Variants in RRP12 observed in about 807,000 individuals in gnomAD.
RRP12 encodes ribosomal RNA processing 12 homolog.
Under a neutral mutation model 157.3 loss-of-function variants are expected in RRP12, and 78 were observed. The observed-to-expected ratio is 0.50, with a 90% CI of 0.41 to 0.60. The LOEUF is 0.60. RRP12 is among the 20% of genes least tolerant of loss of function. The pLI, the probability that RRP12 is intolerant of heterozygous loss-of-function variation, is 0.00. For missense variants in RRP12, 1,521 were observed against 1,679.9 expected (o/e 0.91, Z 1.65); for synonymous variants, 726 against 670.9 (o/e 1.08, Z -1.27).
rs1845105655 is a variant in RRP12, at chr10:97,400,343, G to T, written c.331C>A (p.Gln111Lys). Residue 111 changes from glutamine (Q) to lysine (K), a missense_variant, in exon 2 of 34, where the codon CAG (glutamine) becomes AAG (lysine). Physicochemically the swap from Gln to Lys is moderately conservative, Grantham distance 53. Transcript: ENST00000370992. ...DCTNVTFSKV[Q>K]RFWESNSAAH... Reference sequence around the variant, plus strand: ...GCCGAGTTGGACTCCCAGAAGCGCTGTACTTTGCTGAAGGTGACGTTTGTG... The same window carrying T: ...GCCGAGTTGGACTCCCAGAAGCGCTTTACTTTGCTGAAGGTGACGTTTGTG... The T allele has an allele frequency of 6.2e-7, 1 of 1,613,800 alleles. No individual in the cohort carries two copies. Among genetic ancestry groups the T allele is most frequent in the South Asian group, 1.1e-5 (1 of 91,068 alleles).
Position 97,360,637 on chromosome 10 carries a change from T to C in RRP12, c.3568-19A>G. On this transcript the variant is annotated intron_variant, in intron 30 of 33. Coordinates refer to ENST00000370992, the MANE Select transcript of RRP12 (RefSeq NM_015179.4). ...GCTTTTTCTATAGAGAGAGAATAGGTGGGTAGTGAGTGAACCAGGGGATGT... is the reference window on the plus strand; with the variant it reads ...GCTTTTTCTATAGAGAGAGAATAGGCGGGTAGTGAGTGAACCAGGGGATGT... 6.2e-7 allele frequency: 1 copy of C among 1,604,748 alleles called. No individual in the cohort carries two copies. The highest frequency in any genetic ancestry group is 8.5e-7 in the Non-Finnish European group (1 of 1,171,638).
intron 33 of RRP12, 111 bp downstream of exon 33, chr10:97,358,426 G>A (rs1843764920): frequency 2.6e-6 from 2 of 777,962 alleles, no homozygotes; most frequent in African/African-American, 3.5e-5. Context: ...AAAGCTGGAA[G>A]AGACTCAAAT....
chr10:97,370,921 A>T lies in RRP12; in HGVS notation c.2502+2T>A. The T allele has an allele frequency of 6.2e-7, 1 of 1,613,750 alleles. No individual in the cohort carries two copies. Among genetic ancestry groups the T allele is most frequent in the African/African-American group, 1.3e-5 (1 of 74,948 alleles). ...CAGAGCGGGTGGCCCTAGAGCCCTC[A>T]CCCTCTTGGCGGGTGAGGAGGTGCT... is the stretch of plus-strand genomic sequence containing the variant. On this transcript the variant is annotated splice_donor_variant, in intron 21 of 33. Transcript: ENST00000370992. LOFTEE classifies it high-confidence loss of function.
Position 97,367,016 on chromosome 10 carries a change from C to T in RRP12, c.3047+25G>A. The T allele has an allele frequency of 2.5e-6, 4 of 1,613,180 alleles. No homozygotes were observed. The African/African-American group carries it at 4.0e-5, about 16-fold the overall frequency. ...ATCCTCGGCCCCTCGCTTGCCCTAC[C>T]CCCGCCCCTGCTCAGTGCACAGACC... is the stretch of plus-strand genomic sequence containing the variant. On this transcript the variant is annotated intron_variant, in intron 26 of 33. Coordinates refer to ENST00000370992, the MANE Select transcript of RRP12 (RefSeq NM_015179.4).
At chr10:97,372,026 C>T in intron 20 of RRP12, 47 bp downstream of exon 20, 1 of 1,375,366 alleles carries the variant, frequency 7.3e-7, no homozygotes, top group Non-Finnish European at 1.0e-6. Context: ...CACAGCCCAT[C>T]TGCCCCCAAG....
chr10:97,390,789 C>A lies in RRP12; in HGVS notation c.586G>T (p.Asp196Tyr). ...KFSDTSKAFM[D>Y]IMSAQASSGS... ...CTGCTGGCCTGAGCTGACATGATAT[C>A]CATGAAGGCTTTGGAGGTATCAGAG... The change falls in exon 5 of 34, where the codon GAT becomes TAT. Residue 196 changes from aspartate (D) to tyrosine (Y), a missense_variant. Physicochemically the swap from Asp to Tyr is radical, Grantham distance 160 (BLOSUM62 -3). Coordinates refer to ENST00000370992, the MANE Select transcript of RRP12 (RefSeq NM_015179.4). 6.2e-7 allele frequency: 1 copy of A among 1,614,030 alleles called. No individual in the cohort carries two copies. Among genetic ancestry groups the A allele is most frequent in the Non-Finnish European group, 8.5e-7 (1 of 1,179,916 alleles).
chr10:97,378,974 G>C (rs558406060), intron 15 of RRP12, among the ~76,000 whole-genome samples: 2 of 152,266 alleles, frequency 1.3e-5, no homozygotes, highest in Non-Finnish European at 2.9e-5. Context: ...TCAAGGGCTT[G>C]CATGAGGAAG....
chr10:97,360,141 C>A (rs1035519621), intron 31 of RRP12, among the ~76,000 whole-genome samples: 1 of 152,248 alleles, frequency 6.6e-6, no homozygotes, highest in Admixed American at 6.5e-5. Flanking sequence ...CCAATACCAA[C>A]CTTCCCAGTT....
chr10:97,367,759 T>C (rs1044526024), intron 25 of RRP12, among the ~76,000 whole-genome samples: 2 of 152,054 alleles, frequency 1.3e-5, no homozygotes, highest in African/African-American at 2.4e-5. Flanking sequence ...TGAGATGGAG[T>C]CTCGCTCTGT....
rs753560256 is a variant in RRP12, at chr10:97,393,774, T to C, written c.454-14A>G. On this transcript the variant is annotated splice_polypyrimidine_tract_variant and intron_variant, in intron 3 of 33. Coordinates refer to ENST00000370992, the MANE Select transcript of RRP12 (RefSeq NM_015179.4). ...CATTGTTGTCATCTGAGGGCCAGAT[T>C]GAGGGGGTTTGAATGGATAAAAACT... The C allele has an allele frequency of 3.7e-6, 6 of 1,611,176 alleles. No homozygotes were observed. The highest frequency in any genetic ancestry group is 5.1e-6 in the Non-Finnish European group (6 of 1,177,860).
chr10:97,385,872 C>G, intron 9 of RRP12, 23 bp downstream of exon 9: 1 of 1,548,184 alleles, frequency 6.5e-7, no homozygotes, highest in Non-Finnish European at 8.8e-7. Flanking sequence ...CTAATGCCCC[C>G]ACATCCCACC....
At chr10:97,363,749 C>G in intron 30 of RRP12, 105 bp downstream of exon 30, 1 of 1,073,930 alleles carries the variant, frequency 9.3e-7, no homozygotes, top group South Asian at 1.3e-5. Context: ...ACCGAGCATT[C>G]CAGAAACAGG....
intron 1 of RRP12, 22 bp from the exon 2 acceptor site, chr10:97,400,556 T>C (rs1845116579): frequency 6.3e-7 from 1 of 1,596,612 alleles, no homozygotes; most frequent in East Asian, 2.2e-5. Context: ...AGGCACAAGA[T>C]AAGGTCCAAG....
chr10:97,387,966 AAAT>A, intron 8 of RRP12: 3 of 232,882 alleles, frequency 1.3e-5, no homozygotes, highest in Non-Finnish European at 8.2e-6. Context: ...AAAAAAAAAA[AAAT>A]TGGTATAGGG....
intron 15 of RRP12, among the ~76,000 whole-genome samples, chr10:97,376,293 C>A (rs1844305723): frequency 6.9e-6 from 1 of 144,626 alleles, no homozygotes; most frequent in Admixed American, 7.0e-5. Context: ...CGGCTCACTG[C>A]AACCTCTGCT....
At chr10:97,359,604 C>A (rs1843791757) in intron 31 of RRP12, among the ~76,000 whole-genome samples, 1 of 152,222 alleles carries the variant, frequency 6.6e-6, no homozygotes, top group Admixed American at 6.5e-5. Context: ...GGAATCCTAC[C>A]ATGCCAGCTC....
chr10:97,364,249 G>A (rs909312198), intron 29 of RRP12, among the ~76,000 whole-genome samples: 18 of 152,076 alleles, frequency 1.2e-4, no homozygotes, highest in Non-Finnish European at 2.4e-4. Context: ...GGAGTCAGGC[G>A]CTCCTGCAGC....
At chr10:97,393,782 T>G in intron 3 of RRP12, 22 bp from the exon 4 acceptor site, 1 of 1,599,046 alleles carries the variant, frequency 6.3e-7, no homozygotes, top group Admixed American at 1.7e-5. Flanking sequence ...ATTGAGGGGG[T>G]TTGAATGGAT....
chr10:97,392,530 G>A (rs188498472), intron 4 of RRP12, among the ~76,000 whole-genome samples: 1 of 151,116 alleles, frequency 6.6e-6, no homozygotes, highest in African/African-American at 2.4e-5. Context: ...TGTATTTTTA[G>A]TAGAGATCGG....
Sources: gnomAD v4.1 joint callset for allele counts (sites outside exome capture counted in the v4.1 genomes callset) on GRCh38, gnomAD v4.1.1 for gene constraint, MANE v1.5 for transcripts, NCBI Gene and HGNC (gene_info 2026-07-23, HGNC 2026-07-21) for gene names.